The following YAP1 variants were observed in gnomAD, a reference collection of about 807,000 sequenced individuals.
YAP1 encodes transcriptional coactivator YAP1.
In YAP1, 5 loss-of-function variants were observed where a neutral mutation model predicts 56.9. That is an observed-to-expected ratio of 0.09 (90% CI 0.05 to 0.18). The LOEUF is 0.18. Ranked by LOEUF, YAP1 falls within the 10% of genes least tolerant of loss-of-function variation. The pLI, the probability that YAP1 is intolerant of heterozygous loss-of-function variation, is 1.00. For missense variants in YAP1, 539 were observed against 651.8 expected, an observed-to-expected ratio of 0.83 and a Z score of 1.88; for synonymous variants, 265 against 248.1, an observed-to-expected ratio of 1.07 and a Z score of -0.64.
intron 2 of YAP1, among the ~76,000 whole-genome samples, chr11:102,144,982 T>C: frequency 6.6e-6 from 1 of 152,086 alleles, no homozygotes; most frequent in East Asian, 1.9e-4. Context: ...ACAGAGTCTT[T>C]TGTTTAAAAG....
At chr11:102,143,842 AT>A (rs1426115120) in intron 2 of YAP1, among the ~76,000 whole-genome samples, 1 of 152,242 alleles carries the variant, frequency 6.6e-6, no homozygotes, top group Non-Finnish European at 1.5e-5. Flanking sequence ...ACAGTAGCAA[AT>A]TCAAATTGAC....
intron 3 of YAP1, among the ~76,000 whole-genome samples, chr11:102,163,266 A>G (rs1026828748): frequency 5.9e-5 from 9 of 152,210 alleles, no homozygotes; most frequent in African/African-American, 2.2e-4. Context: ...ATAGAAGGGA[A>G]GATATGAAAG....
At chr11:102,123,658 G>GTTTTTTT (rs1943836661) in intron 2 of YAP1, among the ~76,000 whole-genome samples, 1 of 97,646 alleles carries the variant, frequency 1.0e-5, no homozygotes, top group Non-Finnish European at 2.0e-5. Context: ...TTTTTTTTTC[G>GTTTTTTT]AGACACAGTC....
At chr11:102,223,575 A>G (rs968123011) in intron 6 of YAP1, 47 bp from the exon 7 acceptor site, 5 of 1,591,494 alleles carry the variant, frequency 3.1e-6, no homozygotes, top group Non-Finnish European at 4.3e-6. Context: ...CTAACATTAA[A>G]TGTGTTAATC....
intron 3 of YAP1, among the ~76,000 whole-genome samples, chr11:102,185,021 A>T (rs917808427): frequency 6.6e-6 from 1 of 152,220 alleles, no homozygotes; most frequent in Middle Eastern, 3.2e-3. Flanking sequence ...ATATATAAGA[A>T]CAATGACTAG....
intron 4 of YAP1, among the ~76,000 whole-genome samples, chr11:102,194,006 C>G (rs1297604862): frequency 6.6e-6 from 1 of 152,100 alleles, no homozygotes; most frequent in Non-Finnish European, 1.5e-5. Flanking sequence ...AGGGTTTCAC[C>G]ATGTTAGCCA....
intron 2 of YAP1, among the ~76,000 whole-genome samples, chr11:102,128,588 G>A (rs1455048713): frequency 6.6e-6 from 1 of 152,140 alleles, no homozygotes; most frequent in Non-Finnish European, 1.5e-5. Context: ...CTTTTAACAA[G>A]CAAATGCTTA....
At chr11:102,129,559 C>T (rs201164237) in intron 2 of YAP1, among the ~76,000 whole-genome samples, 2 of 146,960 alleles carry the variant, frequency 1.4e-5, no homozygotes, top group East Asian at 4.1e-4. Context: ...CAGAGGTTGC[C>T]GTGAGCCAAG....
chr11:102,171,456 T>C (rs1198826034), intron 3 of YAP1, among the ~76,000 whole-genome samples: 4 of 152,252 alleles, frequency 2.6e-5, no homozygotes, highest in African/African-American at 9.6e-5. Flanking sequence ...AAGGAAGTGG[T>C]AAAACTTTCT....
intron 2 of YAP1, among the ~76,000 whole-genome samples, chr11:102,119,521 G>A (rs1942691): frequency 0.38 from 57,518 of 151,312 alleles, 11,129 homozygotes; most frequent in Admixed American, 0.45. Flanking sequence ...TGACTGCAAG[G>A]TGGTAGGCTA....
chr11:102,136,410 G>A (rs1380603295), intron 2 of YAP1, among the ~76,000 whole-genome samples: 1 of 150,846 alleles, frequency 6.6e-6, no homozygotes, highest in Admixed American at 6.6e-5. Flanking sequence ...GCACAATCTC[G>A]GCTCACTGCA....
At chr11:102,205,554 A>G (rs776670314) in intron 4 of YAP1, among the ~76,000 whole-genome samples, 26 of 152,024 alleles carry the variant, frequency 1.7e-4, no homozygotes, top group Non-Finnish European at 2.9e-4. Context: ...TGAATATGCA[A>G]TATATTCACC....
chr11:102,212,381 G>C (rs892399209), intron 6 of YAP1, among the ~76,000 whole-genome samples: 1 of 152,134 alleles, frequency 6.6e-6, no homozygotes, highest in Non-Finnish European at 1.5e-5. Flanking sequence ...ACTAACGTCA[G>C]TATGGGTGAG....
chr11:102,203,825 A>G (rs1370393315), intron 4 of YAP1, among the ~76,000 whole-genome samples: 1 of 152,260 alleles, frequency 6.6e-6, no homozygotes, highest in Non-Finnish European at 1.5e-5. Flanking sequence ...ATGCAGGTAA[A>G]GCAGGACTTA....
chr11:102,150,924 C>T (rs1236146644), intron 2 of YAP1, among the ~76,000 whole-genome samples: 2 of 151,802 alleles, frequency 1.3e-5, no homozygotes, highest in African/African-American at 4.8e-5. Flanking sequence ...CCTCACCTTC[C>T]TGAGTAGCTA....
intron 2 of YAP1, among the ~76,000 whole-genome samples, chr11:102,144,903 C>A (rs567389968): frequency 6.6e-5 from 10 of 152,006 alleles, no homozygotes; most frequent in Non-Finnish European, 1.3e-4. Flanking sequence ...CTCACACACT[C>A]ATGCTCACAC....
At chr11:102,111,210 G>C in intron 1 of YAP1, 41 bp downstream of exon 1, 1 of 1,605,862 alleles carries the variant, frequency 6.2e-7, no homozygotes, top group Non-Finnish European at 8.5e-7. Context: ...CGTCGGGCGG[G>C]CCTCAGACCG....
chr11:102,221,715 C>G lies in YAP1; in HGVS notation c.1033-1907C>G, dbSNP rs113322773. 4.6e-5 allele frequency among the ~76,000 whole-genome samples: 7 copies of G among 150,956 alleles called. No individual in the cohort carries two copies. In the East Asian group the frequency reaches 1.4e-3, roughly 29 times the overall value. The stretch of plus-strand genomic sequence containing the variant: ...TCCAGATTGGGTGACAGAGTGAGAC[C>G]CTGTCTCAAAAAGATTAAAAAAAAA... On this transcript the variant is annotated intron_variant, in intron 6 of 8. Transcript: ENST00000282441.
At chr11:102,186,227 C>CT in intron 4 of YAP1, 96 bp downstream of exon 4, 3 of 1,348,206 alleles carry the variant, frequency 2.2e-6, no homozygotes, top group Non-Finnish European at 2.0e-6. Context: ...AATCGCATTG[C>CT]TTTATAGTAT....
Sources: allele counts gnomAD v4.1 joint callset (sites outside exome capture counted in the v4.1 genomes callset), GRCh38; gene constraint gnomAD v4.1.1; transcripts MANE v1.5; gene names NCBI Gene and HGNC (gene_info 2026-07-23, HGNC 2026-07-21).